EYS: variants seen among roughly 807,000 people sequenced by gnomAD.
EYS encodes the protein protein eyes shut homolog.
Under a neutral mutation model 282.1 loss-of-function variants are expected in EYS, and 250 were observed. The observed-to-expected ratio is 0.89, with a 90% CI of 0.80 to 0.98. The LOEUF (loss-of-function observed/expected upper bound fraction) is 0.98. EYS is among the 50% of genes least tolerant of loss of function. The pLI is 0.00. For synonymous variants in EYS, 1,355 were observed against 1,282.9 expected (o/e 1.06, Z -1.20); for missense variants, 4,016 against 3,709.0 (o/e 1.08, Z -2.15).
At chr6:64,081,450 G>T (rs1363250476) in intron 32 of EYS, among the ~76,000 whole-genome samples, 1 of 152,064 alleles carries the variant, frequency 6.6e-6, no homozygotes, top group East Asian at 1.9e-4. Context: ...CTAAAAGAGT[G>T]GTAGGAATTT....
chr6:64,171,601 T>C (rs184725148), intron 31 of EYS, among the ~76,000 whole-genome samples: 28 of 143,124 alleles, frequency 2.0e-4, no homozygotes, highest in Middle Eastern at 3.5e-3. Flanking sequence ...TTTGAAGATA[T>C]AATATTGATT....
intron 19 of EYS, among the ~76,000 whole-genome samples, chr6:64,825,552 C>G (rs1351487077): frequency 6.6e-6 from 1 of 151,804 alleles, no homozygotes; most frequent in Non-Finnish European, 1.5e-5. Flanking sequence ...CCAGCCTCTT[C>G]CCAACCACGA....
chr6:63,955,849 T>C (rs1242340568), intron 35 of EYS, among the ~76,000 whole-genome samples: 2 of 152,166 alleles, frequency 1.3e-5, no homozygotes, highest in Admixed American at 6.5e-5. Context: ...TACCTGTTTT[T>C]CTCCTTCCCT....
At chr6:63,859,757 T>C (rs750042168) in intron 36 of EYS, among the ~76,000 whole-genome samples, 4 of 152,136 alleles carry the variant, frequency 2.6e-5, no homozygotes, top group East Asian at 1.9e-4. Context: ...AGCTGCAAAC[T>C]TCCCATCTGC....
intron 31 of EYS, among the ~76,000 whole-genome samples, chr6:64,154,012 TATA>T (rs1774830076): frequency 6.6e-6 from 1 of 152,246 alleles, no homozygotes; most frequent in African/African-American, 2.4e-5. Context: ...ATAGGATTAT[TATA>T]ATACTTGAAA....
At chr6:64,616,101 TATC>T (rs1309467433) in intron 24 of EYS, among the ~76,000 whole-genome samples, 1 of 152,152 alleles carries the variant, frequency 6.6e-6, no homozygotes, top group African/African-American at 2.4e-5. Context: ...TATGAAAACA[TATC>T]ATATGTAAAA....
At chr6:64,768,455 C>T (rs1004087929) in intron 22 of EYS, among the ~76,000 whole-genome samples, 1 of 152,132 alleles carries the variant, frequency 6.6e-6, no homozygotes, top group African/African-American at 2.4e-5. Context: ...GAATCAGAAT[C>T]TGATGGTATG....
intron 22 of EYS, among the ~76,000 whole-genome samples, chr6:64,742,288 G>T (rs1772402089): frequency 1.3e-5 from 2 of 152,128 alleles, no homozygotes; most frequent in Admixed American, 1.3e-4. Context: ...CATCTTATAT[G>T]GGTGTGGCTT....
chr6:64,311,945 C>T (rs149516693), intron 29 of EYS, among the ~76,000 whole-genome samples: 371 of 150,410 alleles, frequency 2.5e-3, no homozygotes, highest in East Asian at 0.012. Flanking sequence ...AACTGGGCAG[C>T]CTTTTGGGGA....
chr6:63,726,735 T>C, intron 41 of EYS, 55 bp from the exon 42 acceptor site: 1 of 1,446,702 alleles, frequency 6.9e-7, no homozygotes, highest in Non-Finnish European at 9.4e-7. Flanking sequence ...TTAAAAAACA[T>C]TGCTCATAAA....
chr6:63,997,520 G>A (rs758192839), intron 34 of EYS, among the ~76,000 whole-genome samples: 5 of 152,072 alleles, frequency 3.3e-5, no homozygotes, highest in African/African-American at 4.8e-5. Context: ...CTCCTGTAGC[G>A]GCAGCAGGGA....
intron 36 of EYS, among the ~76,000 whole-genome samples, chr6:63,827,507 C>T (rs1771502520): frequency 6.6e-6 from 1 of 152,106 alleles, no homozygotes; most frequent in South Asian, 2.1e-4. Flanking sequence ...CAGGAAAGAC[C>T]ATATGATAGA....
chr6:64,698,434 C>T (rs79750240), intron 22 of EYS, among the ~76,000 whole-genome samples: 4,343 of 151,908 alleles, frequency 0.029, 130 homozygotes, highest in East Asian at 0.14. Flanking sequence ...GTTGGACTAA[C>T]CAAGAAAAGA....
At chr6:64,631,198 A>G (rs1767767894) in intron 22 of EYS, 1 of 152,210 alleles carries the variant, frequency 6.6e-6, no homozygotes, top group Non-Finnish European at 1.5e-5. Flanking sequence ...CTCAGAACTT[A>G]ACATTAGAGG....
chr6:63,747,216 A>G (rs1176391263), intron 41 of EYS, among the ~76,000 whole-genome samples: 2 of 152,132 alleles, frequency 1.3e-5, no homozygotes, highest in African/African-American at 2.4e-5. Context: ...CCAGTAGCCA[A>G]TTGGGAGCAG....
chr6:64,675,782 C>T (rs1020076986), intron 22 of EYS, among the ~76,000 whole-genome samples: 2 of 151,892 alleles, frequency 1.3e-5, no homozygotes, highest in East Asian at 2.0e-4. Context: ...TTACAGCTTT[C>T]TCTACCTATC....
At chr6:64,781,180 G>A (rs1303574796) in intron 22 of EYS, among the ~76,000 whole-genome samples, 2 of 150,740 alleles carry the variant, frequency 1.3e-5, no homozygotes, top group Non-Finnish European at 1.5e-5. Context: ...CCAGTTAAAT[G>A]TGAATTTCAG....
intron 9 of EYS, among the ~76,000 whole-genome samples, chr6:65,352,911 A>T (rs370873077): frequency 6.6e-6 from 1 of 151,908 alleles, no homozygotes; most frequent in Non-Finnish European, 1.5e-5. Flanking sequence ...CTTCTAATAT[A>T]ATGTTTTTAC....
At chr6:65,116,086 C>T (rs55842420) in intron 12 of EYS, among the ~76,000 whole-genome samples, 39,780 of 151,794 alleles carry the variant, frequency 0.26, 6,400 homozygotes, top group African/African-American at 0.45. Context: ...CAACACTAAA[C>T]AGTAACATTT....
Sources: gnomAD v4.1 joint callset for allele counts (sites outside exome capture counted in the v4.1 genomes callset) on GRCh38, gnomAD v4.1.1 for gene constraint, MANE v1.5 for transcripts, NCBI Gene and HGNC (gene_info 2026-07-23, HGNC 2026-07-21) for gene names.